Variants in SDHA observed in about 807,000 individuals in gnomAD.
SDHA encodes the protein succinate dehydrogenase complex flavoprotein subunit A.
Under a neutral mutation model 78.4 loss-of-function variants are expected in SDHA, and 48 were observed. The observed-to-expected ratio is 0.61, with a 90% CI of 0.49 to 0.78. The LOEUF is 0.78. Among genes scored for constraint, SDHA ranks in the 30% least tolerant of loss-of-function variants. The pLI, the probability that SDHA is intolerant of heterozygous loss-of-function variation, is 0.00. For missense variants in SDHA, 680 were observed against 892.7 expected, an observed-to-expected ratio of 0.76 and a Z score of 3.04; for synonymous variants, 326 against 353.9, an observed-to-expected ratio of 0.92 and a Z score of 0.88.
chr5:235,392 G>C (rs1202007481), intron 9 of SDHA, 53 bp downstream of exon 9: 1 of 1,531,804 alleles, frequency 6.5e-7, no homozygotes, highest in African/African-American at 1.4e-5. Flanking sequence ...GGACGACGGG[G>C]CCCACCTCGC....
chr5:228,465 G>A, intron 6 of SDHA, 132 bp downstream of exon 6: 1 of 1,016,900 alleles, frequency 9.8e-7, no homozygotes, highest in Non-Finnish European at 1.5e-6. Context: ...AACCATGTGA[G>A]GGTGATGGCC....
intron 1 of SDHA, among the ~76,000 whole-genome samples, chr5:220,964 C>T (rs1322451956): frequency 2.0e-5 from 3 of 152,048 alleles, no homozygotes; most frequent in African/African-American, 4.8e-5. Context: ...AGGCACCTGC[C>T]ATCATGCCCG....
At chr5:245,559 A>G (rs1736392929) in intron 11 of SDHA, among the ~76,000 whole-genome samples, 2 of 152,210 alleles carry the variant, frequency 1.3e-5, no homozygotes, top group Admixed American at 1.3e-4. Flanking sequence ...TGGATGATAT[A>G]CTTTGTGCTG....
At chr5:261,871 T>A (rs796991256), downstream of SDHA, among the ~76,000 whole-genome samples, 9 of 7,684 alleles carry the variant, frequency 1.2e-3, no homozygotes, top group African/African-American at 1.3e-3. Context: ...CCGCCTCCCG[T>A]CAGAGCATTA....
At chr5:234,751 T>G in intron 8 of SDHA, 1 of 310,504 alleles carries the variant, frequency 3.2e-6, no homozygotes, top group Non-Finnish European at 6.3e-6. Context: ...TCCCATTTTA[T>G]ATTAGGGACT....
chr5:236,746 T>C, intron 10 of SDHA, 147 bp downstream of exon 10: 1 of 762,412 alleles, frequency 1.3e-6, no homozygotes, highest in Non-Finnish European at 2.2e-6. Context: ...CAAGCAGTCT[T>C]CAACACCTCA....
Position 251,847 on chromosome 5 carries a change from C to T in SDHA, c.1794+379C>T, listed in dbSNP as rs1255879316. The stretch of plus-strand genomic sequence containing the variant: ...GAGGAAATGCCAGTTTATTAAATAA[C>T]GAGTAAGCCACCGTTTCAAACCTGC... On this transcript the variant is annotated intron_variant, in intron 13 of 14. Coordinates refer to ENST00000264932, the MANE Select transcript of SDHA (RefSeq NM_004168.4). 108 of 720,822 alleles carry T rather than the reference C, an allele frequency of 1.5e-4. 2 individuals are homozygous for T. Among genetic ancestry groups the T allele is most frequent in the South Asian group, 1.2e-3 (69 of 55,438 alleles). 44.7% of individuals were successfully genotyped at this position (720,822 alleles called of 1,614,324 possible).
intron 14 of SDHA, among the ~76,000 whole-genome samples, 160 bp from the exon 15 acceptor site, chr5:256,174 T>C (rs2126645328): frequency 6.6e-6 from 1 of 152,374 alleles, no homozygotes; most frequent in East Asian, 1.9e-4. Context: ...ACAAGGGTTC[T>C]CCCACTTTAC....
chr5:252,531 C>T (rs79127271), intron 13 of SDHA, among the ~76,000 whole-genome samples: 14,138 of 113,030 alleles, frequency 0.13, 2,414 homozygotes, highest in African/African-American at 0.41. Context: ...AGTAAGTCAC[C>T]GTTTCAAACC....
At chr5:231,022 G>A (rs369305707) in intron 7 of SDHA, 22 bp downstream of exon 7, 231 of 1,613,542 alleles carry the variant, frequency 1.4e-4, no homozygotes, top group Non-Finnish European at 1.8e-4. Flanking sequence ...CGCCTTGCCC[G>A]GCAGGTGTTT....
At position 233,581 on chromosome 5, in the gene SDHA, G is replaced by A. The variant is rs1401459296; in HGVS notation, c.1000G>A (p.Ala334Thr). The change falls in exon 8 of 15, where the codon GCG (alanine) becomes ACG (threonine). Residue 334 changes from alanine to threonine, a missense_variant. Physicochemically the swap from Ala to Thr is moderately conservative, Grantham distance 58. Coordinates refer to ENST00000264932, the MANE Select transcript of SDHA (RefSeq NM_004168.4). ...ERFMERYAPV[A>T]KDLASRDVVS... ...GTTTATGGAGCGATACGCCCCTGTC[G>A]CGAAGGACCTGGCGTCTAGAGATGT... 12 of 1,614,066 alleles carry A rather than the reference G, an allele frequency of 7.4e-6. No individual in the cohort carries two copies. Among genetic ancestry groups the A allele is most frequent in the East Asian group, 4.5e-5 (2 of 44,896 alleles).
chr5:254,609 T>C, intron 14 of SDHA, 103 bp downstream of exon 14: 4 of 1,461,906 alleles, frequency 2.7e-6, no homozygotes, highest in Non-Finnish European at 3.7e-6. Flanking sequence ...GCAGGCCAGA[T>C]TTAAATCAAC....
At chr5:257,191 G>A (rs147686225), downstream of SDHA, among the ~76,000 whole-genome samples, 1 of 152,294 alleles carries the variant, frequency 6.6e-6, no homozygotes, top group East Asian at 1.9e-4. Context: ...GGTTTACTAG[G>A]TGAGTGTGTC....
chr5:229,690 A>G (rs1735262561), intron 6 of SDHA, among the ~76,000 whole-genome samples: 1 of 152,232 alleles, frequency 6.6e-6, no homozygotes, highest in Admixed American at 6.5e-5. Context: ...TATAGTTAAC[A>G]TTATACAGCA....
chr5:224,526 G>T lies in SDHA; in HGVS notation c.312+5G>T. The T allele has an allele frequency of 6.2e-7, 1 of 1,611,872 alleles. No homozygotes were observed. Among genetic ancestry groups the T allele is most frequent in the African/African-American group, 1.3e-5 (1 of 74,850 alleles). The stretch of plus-strand genomic sequence containing the variant: ...TCACACACTGTTGCAGCACAGGTAA[G>T]AGAAAGGTGCCCCACTGTGCTCCCA... On this transcript the variant is annotated splice_donor_5th_base_variant and intron_variant, in intron 3 of 14. Transcript: ENST00000264932.
At chr5:231,718 G>A (rs1217626188) in intron 7 of SDHA, among the ~76,000 whole-genome samples, 1 of 152,184 alleles carries the variant, frequency 6.6e-6, no homozygotes, top group Non-Finnish European at 1.5e-5. Flanking sequence ...TGAACATTCT[G>A]AGAGCTGGGA....
intron 11 of SDHA, among the ~76,000 whole-genome samples, chr5:244,249 C>CTG (rs1736313629): frequency 3.3e-5 from 5 of 151,458 alleles, no homozygotes; most frequent in African/African-American, 9.7e-5. Context: ...TGGGGAACCC[C>CTG]CACCAAAGGT....
intron 1 of SDHA, among the ~76,000 whole-genome samples, chr5:220,023 A>T (rs1418211095): frequency 6.6e-6 from 1 of 152,238 alleles, no homozygotes; most frequent in Non-Finnish European, 1.5e-5. Context: ...CAGCATAATC[A>T]AAAAATTAGC....
chr5:230,741 CG>C, intron 6 of SDHA, 134 bp from the exon 7 acceptor site: 2 of 1,147,618 alleles, frequency 1.7e-6, no homozygotes, highest in Non-Finnish European at 2.6e-6. Flanking sequence ...GTGGGGTGTG[CG>C]TGAGTAGGGG....
Sources: allele counts gnomAD v4.1 joint callset (sites outside exome capture counted in the v4.1 genomes callset), GRCh38; gene constraint gnomAD v4.1.1; transcripts MANE v1.5; gene names NCBI Gene and HGNC (gene_info 2026-07-23, HGNC 2026-07-21).